SNAPC1: variants seen among roughly 807,000 people sequenced by gnomAD.
The protein encoded by SNAPC1 is small nuclear RNA activating complex polypeptide 1, also known as snRNA-activating protein complex subunit 1.
A neutral mutation model predicts 50.1 loss-of-function variants in SNAPC1; 42 were observed. The observed-to-expected ratio is 0.84, with a 90% CI of 0.65 to 1.08. The LOEUF (loss-of-function observed/expected upper bound fraction) is 1.08, where lower values mean the gene tolerates loss of function less well. SNAPC1 is among the 50% of genes least tolerant of loss of function. SNAPC1 has a pLI of 0.00. For missense variants in SNAPC1, 477 were observed against 427.3 expected, an observed-to-expected ratio of 1.12 and a Z score of -1.02; for synonymous variants, 164 against 144.2, an observed-to-expected ratio of 1.14 and a Z score of -0.98.
Position 61,795,067 on chromosome 14 carries a change from C to A in SNAPC1, c.*84C>A. The stretch of plus-strand genomic sequence containing the variant: ...TTTTGTGTATTGAACAGGAAGACTG[C>A]CAGTATTAAAAAAATCCTTCTGGGA... On this transcript the variant is annotated 3_prime_UTR_variant, in exon 10 of 10. Coordinates refer to ENST00000216294, the MANE Select transcript of SNAPC1 (RefSeq NM_003082.4). The A allele has an allele frequency of 1.2e-6, 1 of 835,290 alleles. No homozygotes were observed. Among genetic ancestry groups the A allele is most frequent in the Non-Finnish European group, 1.9e-6 (1 of 537,596 alleles). 51.7% of individuals were successfully genotyped at this position (835,290 alleles called of 1,614,324 possible). A position where few individuals can be genotyped will look rare whatever the true frequency, so the allele number is the denominator to read the frequency against.
chr14:61,775,031 A>G (rs911668752), intron 4 of SNAPC1, among the ~76,000 whole-genome samples: 1 of 152,076 alleles, frequency 6.6e-6, no homozygotes, highest in African/African-American at 2.4e-5. Flanking sequence ...GGTCTGAGTT[A>G]GGGATGACTC....
In SNAPC1 at chr14:61,779,834, G is replaced by A. The variant is rs944582828; in HGVS notation, c.825+924G>A. ...AGTGATTCTCCTGCCTCAGCCTCTC[G>A]AGTAGCTGGGATTACAGGCATGCAT... On this transcript the variant is annotated intron_variant, in intron 7 of 9. Transcript: ENST00000216294. 4.6e-5 allele frequency among the ~76,000 whole-genome samples: 7 copies of A among 150,872 alleles called. 1 individual carries two copies. The highest frequency in any genetic ancestry group is 1.0e-4 in the Non-Finnish European group (7 of 67,864).
At chr14:61,794,388 G>A (rs746211636) in intron 9 of SNAPC1, among the ~76,000 whole-genome samples, 2 of 151,876 alleles carry the variant, frequency 1.3e-5, no homozygotes, top group Admixed American at 6.6e-5. Context: ...AGTATTTTTT[G>A]TTGTTATGTG....
intron 4 of SNAPC1, among the ~76,000 whole-genome samples, chr14:61,773,071 G>C (rs543121048): frequency 6.6e-6 from 1 of 152,246 alleles, no homozygotes; most frequent in East Asian, 1.9e-4. Flanking sequence ...TCTACTGCCT[G>C]CAACTGCTAT....
At chr14:61,776,349 G>A in intron 5 of SNAPC1, 96 bp downstream of exon 5, 1 of 1,109,462 alleles carries the variant, frequency 9.0e-7, no homozygotes, top group African/African-American at 1.6e-5. Flanking sequence ...TTTAGAGGCT[G>A]TAATCCTGTG....
rs1286397030 is a variant in SNAPC1 at position 61,782,398 on chromosome 14, G to C, written c.976+1G>C. 3 of 1,604,482 alleles carry C rather than the reference G, an allele frequency of 1.9e-6. No individual in the cohort carries two copies. Among genetic ancestry groups the C allele is most frequent in the Non-Finnish European group, 2.5e-6 (3 of 1,176,914 alleles). On this transcript the variant is annotated splice_donor_variant, in intron 8 of 9. Transcript: ENST00000216294. LOFTEE classifies it high-confidence loss of function. ...AGGAAGATGTCTCTCAGAAACAAAG[G>C]TAACTTTTTAAAGTCTTACTAAGAT...
At chr14:61,778,036 T>A (rs2140180086) in intron 5 of SNAPC1, 36 bp from the exon 6 acceptor site, 1 of 982,192 alleles carries the variant, frequency 1.0e-6, no homozygotes, top group Non-Finnish European at 1.5e-6. Flanking sequence ...AATTTGTATG[T>A]GTGTATGTGT....
intron 9 of SNAPC1, among the ~76,000 whole-genome samples, chr14:61,793,655 TTTTTTC>T (rs1428225313): frequency 1.1e-4 from 3 of 27,290 alleles, no homozygotes; most frequent in Non-Finnish European, 5.3e-4. Flanking sequence ...TTTCTTTTCT[TTTTTTC>T]TTTTTTTTTT....
chr14:61,790,608 A>AT, intron 8 of SNAPC1, among the ~76,000 whole-genome samples: 1 of 152,324 alleles, frequency 6.6e-6, no homozygotes, highest in South Asian at 2.1e-4. Context: ...AAGTGCTGAG[A>AT]TTACAGGCGC....
chr14:61,771,713 G>A (rs2044992771), intron 4 of SNAPC1, among the ~76,000 whole-genome samples: 1 of 152,188 alleles, frequency 6.6e-6, no homozygotes, highest in African/African-American at 2.4e-5. Context: ...CAAGGTTCCT[G>A]CTATGGAGGA....
Position 61,768,701 on chromosome 14 carries a change from T to C in SNAPC1, c.495T>C (p.Ser165=). The C allele has an allele frequency of 6.2e-7, 1 of 1,611,924 alleles. No individual in the cohort carries two copies. Among genetic ancestry groups the C allele is most frequent in the East Asian group, 2.2e-5 (1 of 44,806 alleles). ...AEVTEEFKDP[S]DRVMKLITSD... is the part of the protein sequence containing the mutation. Reference sequence around the variant, plus strand: ...TTACAGAAGAATTTAAGGACCCAAGTGATCGTGTGATGAAACTTATCACTT... The same window carrying C: ...TTACAGAAGAATTTAAGGACCCAAGCGATCGTGTGATGAAACTTATCACTT... The change falls in exon 4 of 10, where the codon AGT becomes AGC. Residue 165 remains serine, a synonymous_variant. Coordinates refer to ENST00000216294, the MANE Select transcript of SNAPC1 (RefSeq NM_003082.4).
intron 8 of SNAPC1, among the ~76,000 whole-genome samples, chr14:61,786,561 A>G (rs1276406946): frequency 1.3e-5 from 2 of 152,200 alleles, no homozygotes; most frequent in Non-Finnish European, 2.9e-5. Context: ...TAGTTACTAG[A>G]GAAATGTAAA....
chr14:61,785,955 C>T (rs72716713), intron 8 of SNAPC1, among the ~76,000 whole-genome samples: 19,207 of 151,976 alleles, frequency 0.13, 1,432 homozygotes, highest in Non-Finnish European at 0.16. Context: ...TTTTGGGGTC[C>T]GAAGATTTAT....
chr14:61,788,593 AT>A (rs2045130865), intron 8 of SNAPC1, among the ~76,000 whole-genome samples: 1 of 152,222 alleles, frequency 6.6e-6, no homozygotes. Flanking sequence ...AAATAATTGA[AT>A]TTCATTTATA....
At position 61,782,283 on chromosome 14, in the gene SNAPC1, G is replaced by T; in HGVS notation, c.862G>T (p.Asp288Tyr). ...KSRRHRQVKL[D>Y]SSDSDSASGQ... ...AAGAAGGCATCGTCAAGTCAAACTC[G>T]ACTCTTCTGACTCTGATTCTGCATC... Residue 288 changes from aspartate (D) to tyrosine (Y), a missense_variant, in exon 8 of 10, where the codon GAC becomes TAC. Coordinates refer to ENST00000216294, the MANE Select transcript of SNAPC1 (RefSeq NM_003082.4). 2 of 1,608,094 alleles carry T rather than the reference G, an allele frequency of 1.2e-6. No homozygotes were observed. Among genetic ancestry groups the T allele is most frequent in the Non-Finnish European group, 8.5e-7 (1 of 1,178,104 alleles).
chr14:61,768,856 T>G (rs186350258), intron 4 of SNAPC1, 116 bp downstream of exon 4: 77 of 568,566 alleles, frequency 1.4e-4, no homozygotes, highest in Non-Finnish European at 2.1e-4. Context: ...TTAACCACTC[T>G]AGGATGCTAT....
At chr14:61,771,584 G>A (rs1258721002) in intron 4 of SNAPC1, among the ~76,000 whole-genome samples, 1 of 152,158 alleles carries the variant, frequency 6.6e-6, no homozygotes, top group African/African-American at 2.4e-5. Flanking sequence ...TTTGTATTTT[G>A]TCTTTTTGGC....
intron 8 of SNAPC1, among the ~76,000 whole-genome samples, chr14:61,784,108 G>GT (rs770085930): frequency 1.2e-4 from 17 of 147,030 alleles, no homozygotes; most frequent in Non-Finnish European, 2.2e-4. Flanking sequence ...ATTAAGTCGT[G>GT]TAACAGTAGC....
At chr14:61,765,489 C>A (rs932938735) in intron 1 of SNAPC1, among the ~76,000 whole-genome samples, 3 of 152,128 alleles carry the variant, frequency 2.0e-5, no homozygotes, top group Admixed American at 6.6e-5. Context: ...AAAGGCGGGA[C>A]AACTTGAAGC....
Sources: gnomAD v4.1 joint callset for allele counts (sites outside exome capture counted in the v4.1 genomes callset) on GRCh38, gnomAD v4.1.1 for gene constraint, MANE v1.5 for transcripts, NCBI Gene and HGNC (gene_info 2026-07-23, HGNC 2026-07-21) for gene names.